The following CSRNP3 variants were observed in gnomAD, a reference collection of about 807,000 sequenced individuals.
CSRNP3 encodes the protein cysteine and serine rich nuclear protein 3, also known as cysteine/serine-rich nuclear protein 3.
Under a neutral mutation model 48.0 loss-of-function variants are expected in CSRNP3, and 12 were observed. The ratio of observed to expected loss-of-function variants is 0.25; its 90% CI spans 0.16 to 0.41. The LOEUF (loss-of-function observed/expected upper bound fraction) is 0.41, where lower values mean the gene tolerates loss of function less well. Ranked by LOEUF, CSRNP3 falls within the 10% of genes least tolerant of loss-of-function variation. The probability of loss-of-function intolerance (pLI) is 1.00; values close to 1 mark genes in which losing one functional copy is unlikely to be tolerated. For missense variants in CSRNP3, 580 were observed against 724.4 expected, an observed-to-expected ratio of 0.80 and a Z score of 2.29; for synonymous variants, 263 against 269.7, an observed-to-expected ratio of 0.98 and a Z score of 0.24.
At chr2:165,504,161 A>G (rs1050058343) in intron 2 of CSRNP3, among the ~76,000 whole-genome samples, 1 of 152,106 alleles carries the variant, frequency 6.6e-6, no homozygotes, top group South Asian at 2.1e-4. Flanking sequence ...GTTCAAGATT[A>G]TCTTAAAATA....
At chr2:165,676,653 A>T in intron 6 of CSRNP3, 45 bp downstream of exon 6, 1 of 1,540,720 alleles carries the variant, frequency 6.5e-7, no homozygotes, top group Non-Finnish European at 8.9e-7. Context: ...GACATTGTCT[A>T]CCACCCCCTA....
At chr2:165,640,700 G>A (rs1286582675) in intron 4 of CSRNP3, among the ~76,000 whole-genome samples, 5 of 152,150 alleles carry the variant, frequency 3.3e-5, no homozygotes, top group Non-Finnish European at 7.3e-5. Context: ...GCTATAATAA[G>A]GAAGAAGAAA....
At chr2:165,485,948 T>C (rs539513397) in intron 1 of CSRNP3, among the ~76,000 whole-genome samples, 1 of 152,290 alleles carries the variant, frequency 6.6e-6, no homozygotes, top group East Asian at 1.9e-4. Context: ...GGAGCCAAGA[T>C]GGCCGAATAG....
chr2:165,621,677 T>G (rs907555089), intron 4 of CSRNP3, among the ~76,000 whole-genome samples: 2 of 152,208 alleles, frequency 1.3e-5, no homozygotes, highest in Admixed American at 6.5e-5. Context: ...CAAGTTATCA[T>G]TATCCCTTTC....
chr2:165,538,555 C>T (rs1684912315), intron 3 of CSRNP3, among the ~76,000 whole-genome samples: 2 of 152,006 alleles, frequency 1.3e-5, no homozygotes, highest in African/African-American at 4.8e-5. Flanking sequence ...TTCTTATTTC[C>T]ATATGGACTG....
chr2:165,473,157 A>G (rs897025867), intron 1 of CSRNP3, among the ~76,000 whole-genome samples: 15 of 152,130 alleles, frequency 9.9e-5, no homozygotes, highest in African/African-American at 3.4e-4. Flanking sequence ...AACTACAGAT[A>G]ATTTAAAAAT....
rs1687663879 is a variant in CSRNP3, at chr2:165,688,309, AT to A, written c.*8557del. 6.6e-6 allele frequency: 1 copy of A among 152,040 alleles called. No individual in the cohort carries two copies. The highest frequency in any genetic ancestry group is 1.9e-4 in the East Asian group (1 of 5,184). 9.4% of individuals were successfully genotyped at this position (152,040 alleles called of 1,614,324 possible). On this transcript the variant is annotated 3_prime_UTR_variant, in exon 7 of 7. Transcript: ENST00000651982. ...CCTTTATTGTGTCTTAGTAAAGTTG[AT>A]CTGCTTTATTTTTAGTTTATTGAAT...
intron 3 of CSRNP3, among the ~76,000 whole-genome samples, chr2:165,526,880 C>T (rs1684738686): frequency 6.6e-6 from 1 of 152,082 alleles, no homozygotes; most frequent in Admixed American, 6.5e-5. Flanking sequence ...TATCATAAAT[C>T]TTAAAAGTCT....
At chr2:165,550,460 G>C (rs1685082182) in intron 3 of CSRNP3, among the ~76,000 whole-genome samples, 4 of 152,162 alleles carry the variant, frequency 2.6e-5, no homozygotes, top group Admixed American at 1.3e-4. Flanking sequence ...CAACAGTTTA[G>C]AATTAGCTAA....
rs921364839 is a variant in CSRNP3, at chr2:165,680,819, G to A, written c.*1066G>A. 6.6e-5 allele frequency: 10 copies of A among 152,154 alleles called. No homozygotes were observed. Among genetic ancestry groups the A allele is most frequent in the African/African-American group, 2.4e-4 (10 of 41,434 alleles). The allele number at this position is 152,154 out of a possible 1,614,324, so 9.4% of individuals were successfully genotyped here. ...TTCACCACTCTGAGGACCTAACTCA[G>A]TAAATGCAGAGGAGGCTGAGGAAAC... On this transcript the variant is annotated 3_prime_UTR_variant, in exon 7 of 7. Coordinates refer to ENST00000651982, the MANE Select transcript of CSRNP3 (RefSeq NM_001172173.2).
chr2:165,666,828 AAGGACGG>A (rs1687223511), intron 5 of CSRNP3, among the ~76,000 whole-genome samples: 1 of 130,530 alleles, frequency 7.7e-6, no homozygotes, highest in African/African-American at 2.9e-5. Flanking sequence ...GAGAGAAAGG[AAGGACGG>A]AAGGAAGGAA....
chr2:165,593,356 G>A (rs1685754250), intron 3 of CSRNP3, among the ~76,000 whole-genome samples: 3 of 152,184 alleles, frequency 2.0e-5, no homozygotes, highest in Admixed American at 2.0e-4. Context: ...TCAATTTTGA[G>A]TGTGTTGCAA....
intron 4 of CSRNP3, among the ~76,000 whole-genome samples, chr2:165,642,345 A>G (rs1686736803): frequency 6.6e-6 from 1 of 152,166 alleles, no homozygotes. Context: ...GAATAAAAAC[A>G]CTTCATTAAG....
At chr2:165,496,376 T>G (rs540674022) in intron 2 of CSRNP3, among the ~76,000 whole-genome samples, 2 of 152,162 alleles carry the variant, frequency 1.3e-5, no homozygotes, top group East Asian at 3.9e-4. Context: ...ACTGTAACCT[T>G]GTAGATGGCA....
chr2:165,475,307 C>T (rs1266680415), intron 1 of CSRNP3, among the ~76,000 whole-genome samples: 2 of 152,124 alleles, frequency 1.3e-5, no homozygotes, highest in African/African-American at 2.4e-5. Flanking sequence ...ATAAGGGCCC[C>T]AAGGGGCTGC....
chr2:165,670,520 G>C (rs987558869), intron 5 of CSRNP3, among the ~76,000 whole-genome samples: 6 of 152,108 alleles, frequency 3.9e-5, no homozygotes, highest in Admixed American at 1.3e-4. Context: ...CACATAGTAG[G>C]GTCGTAACTT....
chr2:165,479,331 A>C lies in CSRNP3; in HGVS notation c.-283+9591A>C, dbSNP rs1684009651. Among the ~76,000 whole-genome samples the C allele has an allele frequency of 2.0e-5, 3 of 152,180 alleles. No individual in the cohort carries two copies. The South Asian group carries it at 6.2e-4, about 31-fold the overall frequency. On this transcript the variant is annotated intron_variant, in intron 1 of 6. Coordinates refer to ENST00000651982, the MANE Select transcript of CSRNP3 (RefSeq NM_001172173.2). The stretch of plus-strand genomic sequence containing the variant: ...CAATATCAAGCAGTGAGATATCAAA[A>C]GTCATGAAAGTCCGTGATGATAAAA...
chr2:165,668,397 C>CTTTTTTT (rs1465526682), intron 5 of CSRNP3, among the ~76,000 whole-genome samples: 2 of 114,434 alleles, frequency 1.7e-5, no homozygotes, highest in African/African-American at 3.6e-5. Flanking sequence ...TTCTTTCTTT[C>CTTTTTTT]TTTCTTTTTT....
At chr2:165,512,865 G>C (rs943612645) in intron 2 of CSRNP3, among the ~76,000 whole-genome samples, 1 of 152,354 alleles carries the variant, frequency 6.6e-6, no homozygotes, top group African/African-American at 2.4e-5. Context: ...TGCCCTTTGG[G>C]AGGCCAAGGA....
Sources: allele counts gnomAD v4.1 joint callset (sites outside exome capture counted in the v4.1 genomes callset), GRCh38; gene constraint gnomAD v4.1.1; transcripts MANE v1.5; gene names NCBI Gene and HGNC (gene_info 2026-07-23, HGNC 2026-07-21).